The following CPE variants were observed in gnomAD, a reference collection of about 807,000 sequenced individuals.
CPE encodes the protein carboxypeptidase E, also known as carbocypeptidase E.
CPE carries 17 observed loss-of-function variants against 53.5 expected under a neutral mutation model. That is an observed-to-expected ratio of 0.32 (90% CI 0.22 to 0.48). The LOEUF (loss-of-function observed/expected upper bound fraction) is 0.48, where lower values mean the gene tolerates loss of function less well. CPE is among the 20% of genes least tolerant of loss of function. The pLI is 0.99. For synonymous variants in CPE, 226 were observed against 228.8 expected (o/e 0.99, Z 0.11); for missense variants, 524 against 614.7 (o/e 0.85, Z 1.56).
chr4:165,379,350 G>A lies in CPE; in HGVS notation c.129G>A (p.Leu43=). ...PAAGMRRRRR[L]QQEDGISFEY... ...CGGGCATGAGGCGGCGCCGGCGGCT[G>A]CAGCAAGAGGACGGCATCTCCTTCG... is the stretch of plus-strand genomic sequence containing the variant. Residue 43 remains leucine, a synonymous_variant, in exon 1 of 9, where the codon CTG becomes CTA. Transcript: ENST00000402744. This position sits in a 1 kb window ranked among gnomAD's most constrained non-coding sequence, Gnocchi z 6.0. 6.3e-7 allele frequency: 1 copy of A among 1,591,338 alleles called. No homozygotes were observed. Among genetic ancestry groups the A allele is most frequent in the African/African-American group, 1.3e-5 (1 of 74,730 alleles).
chr4:165,415,365 ATTCCTTTAT>A (rs2126670280), intron 1 of CPE: 1 of 165,490 alleles, frequency 6.0e-6, no homozygotes, highest in South Asian at 2.1e-4. Flanking sequence ...ATTTTATTAA[ATTCCTTTAT>A]CATTTGGATT....
intron 1 of CPE, among the ~76,000 whole-genome samples, chr4:165,407,736 A>T (rs1279188707): frequency 2.0e-5 from 3 of 151,784 alleles, no homozygotes; most frequent in Non-Finnish European, 4.4e-5. Context: ...TTTATTTTTT[A>T]GTAGAGACGG....
rs563753872 is a variant in CPE, at chr4:165,390,232, T to C, written c.307+10704T>C. Among the ~76,000 whole-genome samples, 8 of 152,344 alleles carry C rather than the reference T, an allele frequency of 5.3e-5. No individual in the cohort carries two copies. In the South Asian group the frequency reaches 1.4e-3, roughly 28 times the overall value. ...ATATTTTGTCACCAACTGGGTCTTA[T>C]GTTAATGTTCCACCCTAGGCTGGTC... On this transcript the variant is annotated intron_variant, in intron 1 of 8. Transcript: ENST00000402744.
intron 4 of CPE, 61 bp from the exon 5 acceptor site, chr4:165,484,361 A>C: frequency 6.7e-7 from 1 of 1,484,170 alleles, no homozygotes; most frequent in Non-Finnish European, 9.3e-7. Context: ...CACTCTTTAG[A>C]AAACATGCTG....
At chr4:165,478,805 A>G (rs773621307) in intron 3 of CPE, among the ~76,000 whole-genome samples, 1 of 151,978 alleles carries the variant, frequency 6.6e-6, no homozygotes, top group Non-Finnish European at 1.5e-5. Context: ...ACTAAAACCA[A>G]CCCTCCCTCT....
At chr4:165,488,439 G>A (rs1052473820) in intron 6 of CPE, among the ~76,000 whole-genome samples, 22 of 152,112 alleles carry the variant, frequency 1.4e-4, no homozygotes, top group African/African-American at 5.3e-4. Flanking sequence ...TACCTACTCA[G>A]GCCAGTCCTC....
chr4:165,467,283 A>G lies in CPE; in HGVS notation c.505-405A>G, dbSNP rs558057457. ...GGTTACAGTTAGCTGTGATTATGCCACTGCACCCAAGCCTGGGCAACAGAG... is the reference window on the plus strand; with the variant it reads ...GGTTACAGTTAGCTGTGATTATGCCGCTGCACCCAAGCCTGGGCAACAGAG... On this transcript the variant is annotated intron_variant, in intron 2 of 8. Coordinates refer to ENST00000402744, the MANE Select transcript of CPE (RefSeq NM_001873.4). Among the ~76,000 whole-genome samples the G allele has an allele frequency of 2.0e-5, 3 of 152,348 alleles. No individual in the cohort carries two copies. In the South Asian group the frequency reaches 6.2e-4, roughly 32 times the overall value.
intron 1 of CPE, among the ~76,000 whole-genome samples, chr4:165,434,814 G>A (rs1360823942): frequency 2.0e-5 from 3 of 152,100 alleles, no homozygotes; most frequent in Non-Finnish European, 4.4e-5. Flanking sequence ...GTTGAAATTT[G>A]ACCCTTAGTG....
intron 6 of CPE, among the ~76,000 whole-genome samples, chr4:165,488,815 G>T (rs1355962386): frequency 4.0e-5 from 6 of 151,474 alleles, no homozygotes; most frequent in Non-Finnish European, 7.4e-5. Context: ...GGTCCCTATA[G>T]CTTGCTATGG....
At chr4:165,461,885 T>C (rs1460242403) in intron 1 of CPE, among the ~76,000 whole-genome samples, 1 of 152,220 alleles carries the variant, frequency 6.6e-6, no homozygotes, top group African/African-American at 2.4e-5. Flanking sequence ...GTGATCTAAG[T>C]TATTCCTGAG....
At chr4:165,395,775 A>G (rs930425544) in intron 1 of CPE, among the ~76,000 whole-genome samples, 1 of 152,240 alleles carries the variant, frequency 6.6e-6, no homozygotes, top group Admixed American at 6.5e-5. Flanking sequence ...GAGAATGCTC[A>G]CTAGGCACAT....
Position 165,498,492 on chromosome 4 carries a change from C to CAG in CPE, c.*883_*884dup, listed in dbSNP as rs1732746588. ...ATAGCCTCTATGTATGTTATTGTGG[C>CAG]AGGCAAAAGGTTCTGATTTTGGGCA... is the stretch of plus-strand genomic sequence containing the variant. On this transcript the variant is annotated 3_prime_UTR_variant, in exon 9 of 9. Transcript: ENST00000402744. Among the ~76,000 whole-genome samples the CAG allele has an allele frequency of 6.6e-6, 1 of 152,108 alleles. No homozygotes were observed. The highest frequency in any genetic ancestry group is 1.5e-5 in the Non-Finnish European group (1 of 68,016).
chr4:165,476,066 A>G (rs185679156), intron 3 of CPE, among the ~76,000 whole-genome samples: 2 of 152,338 alleles, frequency 1.3e-5, no homozygotes, highest in East Asian at 3.9e-4. Context: ...GTTTGCAGCA[A>G]CCTCAATTCT....
At chr4:165,388,062 C>G (rs1007229082) in intron 1 of CPE, among the ~76,000 whole-genome samples, 1 of 152,220 alleles carries the variant, frequency 6.6e-6, no homozygotes, top group Non-Finnish European at 1.5e-5. Flanking sequence ...TATCCAATTT[C>G]TCTTCCTATA....
intron 3 of CPE, among the ~76,000 whole-genome samples, chr4:165,479,223 T>C (rs887077214): frequency 6.6e-6 from 1 of 152,208 alleles, no homozygotes; most frequent in East Asian, 1.9e-4. Context: ...GCATATGCAT[T>C]ATAGAGTATT....
intron 7 of CPE, among the ~76,000 whole-genome samples, chr4:165,494,440 C>CGGTAGAAAATGAAGTGTGTTGTACTGAA (rs1560898882): frequency 1.3e-5 from 2 of 152,056 alleles, no homozygotes; most frequent in South Asian, 2.1e-4. Context: ...ATAGAACTGA[C>CGGTAGAAAATGAAGTGTGTTGTACTGAA]GGTAGAAAAT....
intron 1 of CPE, among the ~76,000 whole-genome samples, chr4:165,414,522 C>T (rs1257353864): frequency 1.3e-5 from 2 of 152,108 alleles, no homozygotes; most frequent in African/African-American, 4.8e-5. Flanking sequence ...TTGGAATATT[C>T]TCCTGCATAA....
intron 8 of CPE, among the ~76,000 whole-genome samples, chr4:165,496,158 G>T (rs1246175926): frequency 6.6e-6 from 1 of 152,134 alleles, no homozygotes; most frequent in East Asian, 1.9e-4. Flanking sequence ...TGTTAGGAAG[G>T]TGATGGTGAT....
chr4:165,466,616 A>C (rs1732108425), intron 2 of CPE, among the ~76,000 whole-genome samples: 1 of 152,032 alleles, frequency 6.6e-6, no homozygotes, highest in African/African-American at 2.4e-5. Context: ...TCCCTGGTTC[A>C]AGCTATTTTC....
Sources: allele counts gnomAD v4.1 joint callset (sites outside exome capture counted in the v4.1 genomes callset), GRCh38; gene constraint gnomAD v4.1.1; non-coding constraint Gnocchi (gnomAD v3.1); transcripts MANE v1.5; gene names NCBI Gene and HGNC (gene_info 2026-07-23, HGNC 2026-07-21).